ZSWIM5: variants seen among roughly 807,000 people sequenced by gnomAD.
The protein encoded by ZSWIM5 is zinc finger SWIM-type containing 5, also known as zinc finger SWIM domain-containing protein 5.
Under a neutral mutation model 119.6 loss-of-function variants are expected in ZSWIM5, and 55 were observed. The ratio of observed to expected loss-of-function variants is 0.46; its 90% CI spans 0.37 to 0.58. The LOEUF (loss-of-function observed/expected upper bound fraction) is 0.58. Among genes scored for constraint, ZSWIM5 ranks in the 20% least tolerant of loss-of-function variants. The probability of loss-of-function intolerance (pLI) is 0.00; values close to 1 mark genes in which losing one functional copy is unlikely to be tolerated. For missense variants in ZSWIM5, 1,193 were observed against 1,512.8 expected (o/e 0.79, Z 3.51); for synonymous variants, 537 against 606.9 (o/e 0.88, Z 1.69).
chr1:45,087,449 A>G (rs889917399), intron 2 of ZSWIM5, among the ~76,000 whole-genome samples: 4 of 152,246 alleles, frequency 2.6e-5, no homozygotes, highest in Non-Finnish European at 5.9e-5. Flanking sequence ...CAATGCTAAC[A>G]CATGCTCCTT....
chr1:45,076,911 T>G (rs891290298), intron 2 of ZSWIM5, among the ~76,000 whole-genome samples: 1 of 152,074 alleles, frequency 6.6e-6, no homozygotes, highest in Non-Finnish European at 1.5e-5. Flanking sequence ...TTCTTCTGTA[T>G]GCCAATTGCA....
At chr1:45,024,649 T>G (rs1369332063) in intron 11 of ZSWIM5, among the ~76,000 whole-genome samples, 1 of 151,262 alleles carries the variant, frequency 6.6e-6, no homozygotes, top group Non-Finnish European at 1.5e-5. Flanking sequence ...AGAATTATTA[T>G]TATTATTTAT....
chr1:45,104,547 A>G (rs1035664330), intron 1 of ZSWIM5, among the ~76,000 whole-genome samples: 2 of 152,252 alleles, frequency 1.3e-5, no homozygotes, highest in Non-Finnish European at 2.9e-5. Context: ...TGGGGCCTAT[A>G]TAAGTTCACA....
intron 5 of ZSWIM5, among the ~76,000 whole-genome samples, chr1:45,049,026 G>C (rs1173787494): frequency 6.6e-6 from 1 of 152,176 alleles, no homozygotes; most frequent in African/African-American, 2.4e-5. Context: ...AACTACTCGG[G>C]AGGCTGAGAT....
intron 4 of ZSWIM5, among the ~76,000 whole-genome samples, chr1:45,056,892 T>C (rs1645127108): frequency 6.6e-6 from 1 of 152,168 alleles, no homozygotes; most frequent in African/African-American, 2.4e-5. Context: ...TCATGTGTGA[T>C]CGGTCCCATT....
rs754879199 is a variant in ZSWIM5 at position 45,020,767 on chromosome 1, G to A, written c.2471C>T (p.Thr824Ile). The A allele has an allele frequency of 1.2e-6, 2 of 1,614,142 alleles. No individual in the cohort carries two copies. The highest frequency in any genetic ancestry group is 1.7e-6 in the Non-Finnish European group (2 of 1,180,022). The part of the protein sequence containing the change: ...AAKGDTLRLR[T>I]ILEAIQKHIH... ...GTGCTTCTGTATTGCTTCCAGAATT[G>A]TTCGGAGTCTCAAAGTGTCTCCTAT... Residue 824 changes from threonine (T) to isoleucine (I), a missense_variant, in exon 12 of 14, where the codon ACA (threonine) becomes ATA (isoleucine). Around this residue, in one of 2 missense-constraint regions of ZSWIM5, gnomAD observed 961 missense variants for 1,290.0 expected, o/e 0.74. Transcript: ENST00000359600.
At chr1:45,044,462 G>T (rs1158160230) in intron 5 of ZSWIM5, among the ~76,000 whole-genome samples, 1 of 151,026 alleles carries the variant, frequency 6.6e-6, no homozygotes, top group Non-Finnish European at 1.5e-5. Context: ...GGTGGCTCAC[G>T]CCTGTAATCC....
At chr1:45,043,919 C>A (rs1238773768) in intron 5 of ZSWIM5, among the ~76,000 whole-genome samples, 1 of 152,168 alleles carries the variant, frequency 6.6e-6, no homozygotes, top group Non-Finnish European at 1.5e-5. Context: ...TATGGTGGCT[C>A]CTGCCTGTAA....
At chr1:45,055,191 C>T (rs903148248) in intron 4 of ZSWIM5, among the ~76,000 whole-genome samples, 9 of 152,124 alleles carry the variant, frequency 5.9e-5, no homozygotes, top group African/African-American at 1.2e-4. Flanking sequence ...GGGGTTTCAC[C>T]GTGTCAGCCA....
intron 1 of ZSWIM5, among the ~76,000 whole-genome samples, chr1:45,169,082 C>G (rs1331328058): frequency 2.0e-5 from 3 of 152,024 alleles, no homozygotes; most frequent in African/African-American, 7.2e-5. Flanking sequence ...CCATCTCTTA[C>G]GCACTCTCTC....
intron 1 of ZSWIM5, among the ~76,000 whole-genome samples, chr1:45,104,756 C>T (rs1645459693): frequency 6.6e-6 from 1 of 152,216 alleles, no homozygotes. Flanking sequence ...ATCTGCTCCC[C>T]TCCCAGACTC....
In ZSWIM5 at chr1:45,206,175, T is replaced by G. The variant is rs1646189367; in HGVS notation, c.176A>C (p.His59Pro). 7 of 1,602,006 alleles carry G rather than the reference T, an allele frequency of 4.4e-6. No individual in the cohort carries two copies. The highest frequency in any genetic ancestry group is 3.4e-5 in the Admixed American group (2 of 58,558). The change falls in exon 1 of 14, where the codon CAC (histidine) becomes CCC (proline). Residue 59 changes from histidine to proline, a missense_variant. Physicochemically the swap from His to Pro is moderately conservative, Grantham distance 77. Transcript: ENST00000359600. ...GTCCAGTAAGGAATCCGGCTGCAGG[T>G]GGGGGCGGGCCCCGAGGACCAGGCA... ...SSCLVLGARP[H>P]LQPDSLLDCA...
At chr1:45,183,304 C>T (rs1366798215) in intron 1 of ZSWIM5, among the ~76,000 whole-genome samples, 2 of 150,546 alleles carry the variant, frequency 1.3e-5, no homozygotes, top group East Asian at 3.9e-4. Flanking sequence ...CAGGAAAGAT[C>T]CAAAATTGAC....
At chr1:45,127,115 C>G (rs970276319) in intron 1 of ZSWIM5, among the ~76,000 whole-genome samples, 3 of 152,084 alleles carry the variant, frequency 2.0e-5, no homozygotes, top group Non-Finnish European at 4.4e-5. Flanking sequence ...AAATCCTTAA[C>G]AAAACATGAG....
Position 45,122,024 on chromosome 1 carries a change from C to T in ZSWIM5, c.596-33787G>A, listed in dbSNP as rs74070867. Among the ~76,000 whole-genome samples the T allele has an allele frequency of 6.8e-3, 1,037 of 152,310 alleles. 10 individuals carry two copies. The highest frequency in any genetic ancestry group is 0.022 in the African/African-American group (926 of 41,562). ...TGATGATCTCAAATTATACTGATTT[C>T]TCACTCTGCTAACCTGTTTGGCACC... On this transcript the variant is annotated intron_variant, in intron 1 of 13. Transcript: ENST00000359600.
intron 1 of ZSWIM5, among the ~76,000 whole-genome samples, chr1:45,182,606 C>T (rs1646028471): frequency 6.6e-6 from 1 of 152,024 alleles, no homozygotes; most frequent in Admixed American, 6.6e-5. Flanking sequence ...ATCCTAGTCT[C>T]GGATAAAACA....
At chr1:45,165,526 G>A (rs1361875705) in intron 1 of ZSWIM5, among the ~76,000 whole-genome samples, 4 of 151,996 alleles carry the variant, frequency 2.6e-5, no homozygotes, top group Non-Finnish European at 4.4e-5. Flanking sequence ...ATGAATCCAG[G>A]AGCTGGTTTT....
chr1:45,149,638 G>C (rs911069014), intron 1 of ZSWIM5, among the ~76,000 whole-genome samples: 1 of 152,174 alleles, frequency 6.6e-6, no homozygotes, highest in African/African-American at 2.4e-5. Flanking sequence ...TAGTATATGA[G>C]TTAAATCTTG....
chr1:45,133,646 T>C (rs1645672672), intron 1 of ZSWIM5, among the ~76,000 whole-genome samples: 2 of 152,072 alleles, frequency 1.3e-5, no homozygotes, highest in African/African-American at 4.8e-5. Context: ...TGGGTTTTGT[T>C]GCCATTGCTT....
Sources: gnomAD v4.1 joint callset for allele counts (sites outside exome capture counted in the v4.1 genomes callset) on GRCh38, gnomAD v4.1.1 for gene constraint, gnomAD v4.1.1 regional missense constraint, MANE v1.5 for transcripts, NCBI Gene and HGNC (gene_info 2026-07-23, HGNC 2026-07-21) for gene names.